OXSR1: variants seen among roughly 807,000 people sequenced by gnomAD.
OXSR1 encodes serine/threonine-protein kinase OSR1.
In OXSR1, 24 loss-of-function variants were observed where a neutral mutation model predicts 79.8. The ratio of observed to expected loss-of-function variants is 0.30; its 90% CI spans 0.22 to 0.42. OXSR1 has a LOEUF of 0.42. Among genes scored for constraint, OXSR1 ranks in the 10% least tolerant of loss-of-function variants. The pLI, the probability that OXSR1 is intolerant of heterozygous loss-of-function variation, is 1.00. For synonymous variants in OXSR1, 226 were observed against 209.2 expected (o/e 1.08, Z -0.69); for missense variants, 430 against 618.4 (o/e 0.70, Z 3.23).
At chr3:38,182,880 C>G (rs561172499) in intron 1 of OXSR1, 123 bp from the exon 2 acceptor site, 61 of 495,834 alleles carry the variant, frequency 1.2e-4, no homozygotes, top group African/African-American at 1.2e-3. Flanking sequence ...GCATTTTTCT[C>G]TATCTGTTAT....
At chr3:38,215,172 TATTTG>T (rs1407802500) in intron 4 of OXSR1, among the ~76,000 whole-genome samples, 2 of 152,214 alleles carry the variant, frequency 1.3e-5, no homozygotes, top group African/African-American at 4.8e-5. Flanking sequence ...ACTGGTCTCT[TATTTG>T]ATTTGTTCAT....
intron 3 of OXSR1, among the ~76,000 whole-genome samples, chr3:38,192,214 T>A (rs1340565741): frequency 6.6e-6 from 1 of 152,200 alleles, no homozygotes; most frequent in Non-Finnish European, 1.5e-5. Flanking sequence ...CCAAAATTTG[T>A]CAGGGGGAGC....
At chr3:38,184,553 G>A (rs1701844721) in intron 2 of OXSR1, among the ~76,000 whole-genome samples, 1 of 152,162 alleles carries the variant, frequency 6.6e-6, no homozygotes, top group Non-Finnish European at 1.5e-5. Context: ...CCAATATGAA[G>A]ACCTATAATT....
intron 3 of OXSR1, 82 bp from the exon 4 acceptor site, chr3:38,198,640 A>C: frequency 9.8e-7 from 1 of 1,015,788 alleles, no homozygotes; most frequent in Non-Finnish European, 1.4e-6. Context: ...GAGAAGGTTC[A>C]CATGTGTTTT....
chr3:38,174,794 G>A (rs1407117045), intron 1 of OXSR1, among the ~76,000 whole-genome samples: 1 of 152,144 alleles, frequency 6.6e-6, no homozygotes, highest in Non-Finnish European at 1.5e-5. Flanking sequence ...CAAGATTTTT[G>A]GCTAGAGCAT....
Position 38,242,879 on chromosome 3 carries a change from G to A in OXSR1, c.1110+101G>A, listed in dbSNP as rs1703063465. 1.5e-5 allele frequency: 10 copies of A among 661,742 alleles called. No homozygotes were observed. In the Admixed American group the frequency reaches 2.4e-4, roughly 16 times the overall value. 41.0% of individuals were successfully genotyped at this position (661,742 alleles called of 1,614,324 possible). ...TTTGTGCATATGTATGCTTAAATGG[G>A]AATGCAACTTTATACCAATCGAATT... is the stretch of plus-strand genomic sequence containing the variant. On this transcript the variant is annotated intron_variant, in intron 12 of 17. Coordinates refer to ENST00000311806, the MANE Select transcript of OXSR1 (RefSeq NM_005109.3).
chr3:38,189,393 T>C (rs911926776), intron 2 of OXSR1, among the ~76,000 whole-genome samples: 2 of 152,216 alleles, frequency 1.3e-5, no homozygotes, highest in Non-Finnish European at 2.9e-5. Context: ...GTGCTTACTT[T>C]AGTTCTTTCT....
intron 4 of OXSR1, among the ~76,000 whole-genome samples, chr3:38,208,016 C>T (rs1289555188): frequency 6.7e-6 from 1 of 149,676 alleles, no homozygotes; most frequent in Non-Finnish European, 1.5e-5. Flanking sequence ...GCACTTTTTT[C>T]CCACAAGATT....
chr3:38,169,642 T>C (rs947015093), intron 1 of OXSR1, among the ~76,000 whole-genome samples: 4 of 150,944 alleles, frequency 2.6e-5, no homozygotes, highest in Non-Finnish European at 5.9e-5. Flanking sequence ...TGTGTGTATG[T>C]GTGTTTGTAT....
At chr3:38,230,972 T>G (rs1702794146) in intron 10 of OXSR1, among the ~76,000 whole-genome samples, 1 of 152,214 alleles carries the variant, frequency 6.6e-6, no homozygotes, top group African/African-American at 2.4e-5. Flanking sequence ...TTCCTCACTC[T>G]TACTTCTCTG....
chr3:38,218,341 A>T (rs1365357788), intron 5 of OXSR1, among the ~76,000 whole-genome samples: 2 of 151,154 alleles, frequency 1.3e-5, no homozygotes, highest in Non-Finnish European at 2.9e-5. Context: ...TTGTTTTTTC[A>T]GGTGGTAGCC....
chr3:38,191,532 G>A (rs1156251585), intron 3 of OXSR1, among the ~76,000 whole-genome samples: 2 of 151,606 alleles, frequency 1.3e-5, no homozygotes, highest in African/African-American at 2.4e-5. Context: ...TCTATTTCTT[G>A]TATATTGAAA....
intron 4 of OXSR1, among the ~76,000 whole-genome samples, chr3:38,209,633 CT>C (rs36124151): frequency 0.093 from 12,233 of 132,072 alleles, 298 homozygotes; most frequent in Middle Eastern, 0.15. Flanking sequence ...ATCAATTATA[CT>C]TTTTTTTTTT....
At chr3:38,233,789 G>A (rs148736091) in intron 10 of OXSR1, among the ~76,000 whole-genome samples, 223 of 152,178 alleles carry the variant, frequency 1.5e-3, no homozygotes, top group Middle Eastern at 0.014. Context: ...GCATGTGCCT[G>A]TGGTTCCAGC....
At chr3:38,226,113 G>A (rs562019588) in intron 8 of OXSR1, among the ~76,000 whole-genome samples, 48 of 152,092 alleles carry the variant, frequency 3.2e-4, no homozygotes, top group African/African-American at 1.1e-3. Flanking sequence ...TATTTTTGAC[G>A]GAAGTAGTCA....
chr3:38,229,360 TAATATTA>T (rs1423011650), intron 8 of OXSR1, among the ~76,000 whole-genome samples: 2 of 151,708 alleles, frequency 1.3e-5, no homozygotes, highest in Non-Finnish European at 2.9e-5. Context: ...TATTGGGAAA[TAATATTA>T]AATATTAAAT....
intron 5 of OXSR1, 68 bp downstream of exon 5, chr3:38,216,219 T>A: frequency 1.0e-6 from 1 of 1,001,390 alleles, no homozygotes; most frequent in Non-Finnish European, 1.5e-6. Context: ...TCTTTTATGT[T>A]TCCTTAATCA....
intron 10 of OXSR1, among the ~76,000 whole-genome samples, chr3:38,232,246 C>T (rs1185974784): frequency 6.6e-6 from 1 of 151,638 alleles, no homozygotes; most frequent in Admixed American, 6.6e-5. Context: ...ATAGTGAGAC[C>T]CCATATCTAT....
At chr3:38,209,780 C>G (rs915357509) in intron 4 of OXSR1, among the ~76,000 whole-genome samples, 2 of 152,042 alleles carry the variant, frequency 1.3e-5, no homozygotes, top group African/African-American at 2.4e-5. Flanking sequence ...CCTGCCACTA[C>G]GCCTGGCTAA....
Sources: gnomAD v4.1 joint callset for allele counts (sites outside exome capture counted in the v4.1 genomes callset) on GRCh38, gnomAD v4.1.1 for gene constraint, MANE v1.5 for transcripts, NCBI Gene and HGNC (gene_info 2026-07-23, HGNC 2026-07-21) for gene names.